PPARGC1A: variants seen among roughly 807,000 people sequenced by gnomAD.
PPARGC1A encodes peroxisome proliferator-activated receptor gamma coactivator 1-alpha.
Under a neutral mutation model 88.7 loss-of-function variants are expected in PPARGC1A, and 25 were observed. The ratio of observed to expected loss-of-function variants is 0.28; its 90% CI spans 0.21 to 0.39. The LOEUF is 0.39. Among genes scored for constraint, PPARGC1A ranks in the 10% least tolerant of loss-of-function variants. The pLI, the probability that PPARGC1A is intolerant of heterozygous loss-of-function variation, is 1.00. For synonymous variants in PPARGC1A, 363 were observed against 355.6 expected (o/e 1.02, Z -0.24); for missense variants, 880 against 968.7 (o/e 0.91, Z 1.22).
chr4:24,086,476 C>T, the PPARGC1A span, among the ~76,000 whole-genome samples: 1 of 152,160 alleles, frequency 6.6e-6, no homozygotes, highest in African/African-American at 2.4e-5. Flanking sequence ...GGCTTAACTC[C>T]TTTTCTTCGT....
chr4:23,827,839 GGAA>G (rs1050126512), intron 5 of PPARGC1A, among the ~76,000 whole-genome samples: 4 of 150,426 alleles, frequency 2.7e-5, no homozygotes, highest in East Asian at 1.9e-4. Context: ...GAGTGGAAGA[GGAA>G]GAAGAAGAGG....
At chr4:23,892,544 G>A (rs962916443), upstream of PPARGC1A, among the ~76,000 whole-genome samples, 1 of 144,102 alleles carries the variant, frequency 6.9e-6, no homozygotes, top group Non-Finnish European at 1.5e-5. Flanking sequence ...CTTCAGTCCA[G>A]TTTTTTTTTT....
At chr4:24,436,719 TCGA>T in the PPARGC1A span, among the ~76,000 whole-genome samples, 20 of 114,310 alleles carry the variant, frequency 1.7e-4, no homozygotes, top group East Asian at 2.7e-4. Flanking sequence ...AGAGCTGACA[TCGA>T]TTGGCCACCC....
chr4:24,112,376 T>A, the PPARGC1A span, among the ~76,000 whole-genome samples: 3 of 150,974 alleles, frequency 2.0e-5, no homozygotes, highest in African/African-American at 4.8e-5. Context: ...AAATCTGAAA[T>A]TTTTTTTATA....
At chr4:23,986,591 A>G in the PPARGC1A span, among the ~76,000 whole-genome samples, 1 of 152,102 alleles carries the variant, frequency 6.6e-6, no homozygotes, top group Non-Finnish European at 1.5e-5. Flanking sequence ...TACATTAGGC[A>G]TTTTATATAC....
At chr4:24,109,996 G>A in the PPARGC1A span, among the ~76,000 whole-genome samples, 2 of 152,124 alleles carry the variant, frequency 1.3e-5, no homozygotes, top group East Asian at 3.9e-4. Flanking sequence ...GGAACCCCCA[G>A]CAGCCATCCT....
At chr4:24,300,052 C>A in the PPARGC1A span, among the ~76,000 whole-genome samples, 1 of 152,074 alleles carries the variant, frequency 6.6e-6, no homozygotes, top group Admixed American at 6.6e-5. Flanking sequence ...GGGTCCCATG[C>A]CTTGGGGCTT....
chr4:24,286,523 G>T, the PPARGC1A span, among the ~76,000 whole-genome samples: 1 of 152,126 alleles, frequency 6.6e-6, no homozygotes, highest in African/African-American at 2.4e-5. Flanking sequence ...CTCTTTCCTG[G>T]AAGCCTTTGG....
At chr4:24,231,630 G>T in the PPARGC1A span, among the ~76,000 whole-genome samples, 1 of 152,190 alleles carries the variant, frequency 6.6e-6, no homozygotes, top group Admixed American at 6.5e-5. Flanking sequence ...TGTACAGGAG[G>T]TCTAGTATCT....
intron 2 of PPARGC1A, among the ~76,000 whole-genome samples, chr4:23,848,078 T>C (rs1432079265): frequency 6.6e-6 from 1 of 152,074 alleles, no homozygotes; most frequent in Non-Finnish European, 1.5e-5. Flanking sequence ...AAGGCAGAAG[T>C]GAAATCTGCC....
chr4:24,364,245 C>T, the PPARGC1A span, among the ~76,000 whole-genome samples: 12 of 152,276 alleles, frequency 7.9e-5, no homozygotes, highest in African/African-American at 2.4e-4. Flanking sequence ...ATAATAAAGA[C>T]GTTCAAACCA....
the PPARGC1A span, among the ~76,000 whole-genome samples, chr4:24,130,508 T>G: frequency 2.0e-5 from 3 of 152,142 alleles, no homozygotes; most frequent in East Asian, 5.8e-4. Context: ...GCACAACACA[T>G]TGAATTCCTA....
rs138386392 is a variant in PPARGC1A at position 23,840,309 on chromosome 4, T to C, written c.235-8558A>G. On this transcript the variant is annotated intron_variant, in intron 2 of 12. Coordinates refer to ENST00000264867, the MANE Select transcript of PPARGC1A (RefSeq NM_013261.5). The stretch of plus-strand genomic sequence containing the variant: ...ACTGGAATGTATGGTGGCCCTACAC[T>C]TGGCCAACTTCATCTGACTCTGGCA... Among the ~76,000 whole-genome samples the C allele has an allele frequency of 1.3e-3, 196 of 152,108 alleles. 1 individual carries two copies. The highest frequency in any genetic ancestry group is 4.2e-3 in the African/African-American group (174 of 41,498).
the PPARGC1A span, among the ~76,000 whole-genome samples, chr4:24,174,231 G>A: frequency 0.34 from 51,780 of 151,932 alleles, 10,215 homozygotes; most frequent in African/African-American, 0.54. Context: ...TCTAGGTGAC[G>A]GAAAGCCATC....
the PPARGC1A span, among the ~76,000 whole-genome samples, chr4:23,983,377 C>A: frequency 2.0e-5 from 3 of 152,076 alleles, no homozygotes; most frequent in Non-Finnish European, 4.4e-5. Flanking sequence ...TTATAACGTG[C>A]TTACATATTA....
the PPARGC1A span, among the ~76,000 whole-genome samples, chr4:24,367,139 A>G: frequency 6.6e-6 from 1 of 152,194 alleles, no homozygotes. Flanking sequence ...AATGATTCGT[A>G]ATCACTAGTA....
intron 2 of PPARGC1A, among the ~76,000 whole-genome samples, chr4:23,876,612 A>C (rs953907287): frequency 6.6e-6 from 1 of 152,060 alleles, no homozygotes; most frequent in Non-Finnish European, 1.5e-5. Context: ...TTGACTACTG[A>C]GTCTCCTTCC....
chr4:24,169,781 G>A, the PPARGC1A span, among the ~76,000 whole-genome samples: 2 of 152,056 alleles, frequency 1.3e-5, no homozygotes, highest in East Asian at 3.9e-4. Flanking sequence ...AGGTTGCAGT[G>A]AGCAGAGATG....
At chr4:24,223,982 A>G in the PPARGC1A span, among the ~76,000 whole-genome samples, 1 of 152,242 alleles carries the variant, frequency 6.6e-6, no homozygotes, top group African/African-American at 2.4e-5. Flanking sequence ...ATAAGATGGA[A>G]GTCAAAAGTC....
Sources: gnomAD v4.1 joint callset for allele counts (sites outside exome capture counted in the v4.1 genomes callset) on GRCh38, gnomAD v4.1.1 for gene constraint, MANE v1.5 for transcripts, NCBI Gene and HGNC (gene_info 2026-07-23, HGNC 2026-07-21) for gene names.